Variants in PRKAR2A observed in about 807,000 individuals in gnomAD.
PRKAR2A encodes cAMP-dependent protein kinase type II-alpha regulatory subunit.
A neutral mutation model predicts 51.9 loss-of-function variants in PRKAR2A; 29 were observed. That is an observed-to-expected ratio of 0.56 (90% CI 0.42 to 0.76). PRKAR2A has a LOEUF of 0.76. PRKAR2A is among the 30% of genes least tolerant of loss of function. The pLI is 0.00. For synonymous variants in PRKAR2A, 178 were observed against 186.2 expected (o/e 0.96, Z 0.36); for missense variants, 445 against 512.1 (o/e 0.87, Z 1.26).
chr3:48,795,262 CG>C (rs2082472467), intron 2 of PRKAR2A, among the ~76,000 whole-genome samples: 1 of 152,022 alleles, frequency 6.6e-6, no homozygotes, highest in Non-Finnish European at 1.5e-5. Context: ...CGTGAGCCAC[CG>C]CGACTAGCCT....
At chr3:48,835,975 T>C (rs2083277029) in intron 1 of PRKAR2A, among the ~76,000 whole-genome samples, 1 of 152,152 alleles carries the variant, frequency 6.6e-6, no homozygotes, top group Admixed American at 6.6e-5. Flanking sequence ...CTGACTCACA[T>C]TTACAGTCAA....
At chr3:48,789,801 G>A (rs1313010667) in intron 4 of PRKAR2A, among the ~76,000 whole-genome samples, 1 of 151,884 alleles carries the variant, frequency 6.6e-6, no homozygotes, top group East Asian at 1.9e-4. Context: ...ATAGATTTTT[G>A]CAACCTCAGC....
chr3:48,771,317 G>A (rs1559610359), intron 6 of PRKAR2A, among the ~76,000 whole-genome samples: 1 of 152,150 alleles, frequency 6.6e-6, no homozygotes, highest in Non-Finnish European at 1.5e-5. Flanking sequence ...AGACCAGCCT[G>A]AGCAACATAG....
intron 4 of PRKAR2A, among the ~76,000 whole-genome samples, chr3:48,789,168 A>C (rs966129720): frequency 2.0e-5 from 3 of 152,220 alleles, no homozygotes; most frequent in African/African-American, 7.2e-5. Context: ...ACAAAACCGC[A>C]TGCTCTTCAA....
chr3:48,794,489 G>C (rs1307120623), intron 2 of PRKAR2A, among the ~76,000 whole-genome samples: 9 of 151,936 alleles, frequency 5.9e-5, no homozygotes, highest in Admixed American at 3.9e-4. Context: ...GAGGTCAAGA[G>C]ATCGAGACCA....
intron 1 of PRKAR2A, among the ~76,000 whole-genome samples, chr3:48,811,174 C>T (rs2082764644): frequency 6.7e-6 from 1 of 150,010 alleles, no homozygotes; most frequent in Non-Finnish European, 1.5e-5. Context: ...GAGACTATCT[C>T]TTAATTTTAA....
At chr3:48,808,115 TCG>T (rs985256959) in intron 1 of PRKAR2A, among the ~76,000 whole-genome samples, 25 of 149,762 alleles carry the variant, frequency 1.7e-4, no homozygotes, top group Admixed American at 3.3e-4. Flanking sequence ...TGGCGCGATC[TCG>T]GCTCACTGCA....
intron 6 of PRKAR2A, among the ~76,000 whole-genome samples, chr3:48,770,237 G>T (rs541254714): frequency 2.0e-5 from 3 of 152,244 alleles, no homozygotes; most frequent in Admixed American, 6.6e-5. Context: ...ATTCCCACAG[G>T]CAGCAAGTGG....
chr3:48,768,192 G>A (rs2081968681), intron 6 of PRKAR2A, among the ~76,000 whole-genome samples: 1 of 151,914 alleles, frequency 6.6e-6, no homozygotes, highest in Admixed American at 6.6e-5. Flanking sequence ...TACTGGGGAG[G>A]CAGAGGTGGG....
At chr3:48,751,753 A>C (rs370252496) in intron 10 of PRKAR2A, 35 bp from the exon 11 acceptor site, 1 of 1,586,016 alleles carries the variant, frequency 6.3e-7, no homozygotes, top group Non-Finnish European at 8.6e-7. Flanking sequence ...GAGAGAATGA[A>C]TTCAAGCCAT....
intron 2 of PRKAR2A, among the ~76,000 whole-genome samples, chr3:48,800,048 T>G (rs1023935186): frequency 2.6e-5 from 4 of 151,892 alleles, no homozygotes; most frequent in Admixed American, 6.6e-5. Context: ...TTAGTAGAGA[T>G]AGGGTTTCAC....
chr3:48,806,220 A>G (rs2082674020), intron 2 of PRKAR2A, among the ~76,000 whole-genome samples: 1 of 152,200 alleles, frequency 6.6e-6, no homozygotes, highest in Non-Finnish European at 1.5e-5. Context: ...TCTCAAAGAC[A>G]AGGATTGAGG....
At chr3:48,837,799 A>G (rs2083307426) in intron 1 of PRKAR2A, among the ~76,000 whole-genome samples, 1 of 151,964 alleles carries the variant, frequency 6.6e-6, no homozygotes, top group African/African-American at 2.4e-5. Context: ...GAACAAGTGG[A>G]AAAAGGAAAA....
chr3:48,769,320 G>A (rs1438223259), intron 6 of PRKAR2A, among the ~76,000 whole-genome samples: 1 of 151,450 alleles, frequency 6.6e-6, no homozygotes, highest in African/African-American at 2.4e-5. Context: ...ACCGCGCCCG[G>A]CTAATTTTTT....
At chr3:48,819,547 G>T (rs769011695) in intron 1 of PRKAR2A, among the ~76,000 whole-genome samples, 1 of 152,130 alleles carries the variant, frequency 6.6e-6, no homozygotes, top group Non-Finnish European at 1.5e-5. Context: ...GTAAAAGTGT[G>T]AATCAATAAA....
chr3:48,845,982 A>C (rs2083454816), intron 1 of PRKAR2A, among the ~76,000 whole-genome samples: 1 of 151,462 alleles, frequency 6.6e-6, no homozygotes, highest in African/African-American at 2.4e-5. Flanking sequence ...TTGGATCACC[A>C]AATCTGTGAG....
At chr3:48,786,714 T>C (rs1420829705) in intron 4 of PRKAR2A, among the ~76,000 whole-genome samples, 2 of 152,054 alleles carry the variant, frequency 1.3e-5, no homozygotes, top group African/African-American at 4.8e-5. Flanking sequence ...AAAATGTTGA[T>C]AGTGTTAATC....
chr3:48,845,534 G>T (rs2083448065), intron 1 of PRKAR2A, among the ~76,000 whole-genome samples: 1 of 152,160 alleles, frequency 6.6e-6, no homozygotes, highest in South Asian at 2.1e-4. Flanking sequence ...TCATTGTTTT[G>T]TTAAATTTTA....
At chr3:48,815,354 A>T (rs1326917693) in intron 1 of PRKAR2A, among the ~76,000 whole-genome samples, 1 of 150,946 alleles carries the variant, frequency 6.6e-6, no homozygotes, top group African/African-American at 2.4e-5. Context: ...ATATATATAT[A>T]TGACTTAGCT....
Sources: allele counts gnomAD v4.1 joint callset (sites outside exome capture counted in the v4.1 genomes callset), GRCh38; gene constraint gnomAD v4.1.1; transcripts MANE v1.5; gene names NCBI Gene and HGNC (gene_info 2026-07-23, HGNC 2026-07-21).